GNAI1: variants seen among roughly 807,000 people sequenced by gnomAD.
GNAI1 encodes guanine nucleotide-binding protein G(i) subunit alpha-1.
A neutral mutation model predicts 38.9 loss-of-function variants in GNAI1; 11 were observed. The observed-to-expected ratio is 0.28, with a 90% CI of 0.18 to 0.47. The LOEUF is 0.47. Among genes scored for constraint, GNAI1 ranks in the 20% least tolerant of loss-of-function variants. The pLI is 0.99. For synonymous variants in GNAI1, 166 were observed against 145.1 expected (o/e 1.14, Z -1.04); for missense variants, 317 against 436.9 (o/e 0.73, Z 2.45).
intron 1 of GNAI1, among the ~76,000 whole-genome samples, chr7:80,139,701 A>T (rs1787488747): frequency 6.6e-6 from 1 of 152,234 alleles, no homozygotes; most frequent in Admixed American, 6.5e-5. Context: ...CAGCCAAATT[A>T]TGTAAACAAA....
In GNAI1 at chr7:80,135,216, T is replaced by C; in HGVS notation, c.56T>C (p.Ile19Thr). The change falls in exon 1 of 8, where the codon ATC (isoleucine) becomes ACC (threonine). Residue 19 changes from isoleucine to threonine, a missense_variant. Ile to Thr is a moderately conservative substitution (Grantham distance 89). Coordinates refer to ENST00000649796, the MANE Select transcript of GNAI1 (RefSeq NM_002069.6). ...DKAAVERSKM[I>T]DRNLREDGEK... ...GCGGCGGTGGAGCGGAGTAAGATGA[T>C]CGACCGCAACCTCCGTGAGGACGGC... 6.4e-7 allele frequency: 1 copy of C among 1,555,842 alleles called. No homozygotes were observed.
At chr7:80,168,611 CT>C (rs1301674381) in intron 1 of GNAI1, among the ~76,000 whole-genome samples, 3 of 152,100 alleles carry the variant, frequency 2.0e-5, no homozygotes, top group Non-Finnish European at 4.4e-5. Context: ...TGGTCTCGAT[CT>C]GACCTTGTGA....
rs923691049 is a variant in GNAI1, at chr7:80,222,150, C to T, written c.*4657C>T. The stretch of plus-strand genomic sequence containing the variant: ...TACGAAATTTCACATTTCATCAAGT[C>T]CAGAGGCCAGAGACACCCAAATATG... On this transcript the variant is annotated 3_prime_UTR_variant, in exon 8 of 8. Transcript: ENST00000649796. Among the ~76,000 whole-genome samples the T allele has an allele frequency of 3.3e-5, 5 of 151,954 alleles. No homozygotes were observed. Among genetic ancestry groups the T allele is most frequent in the African/African-American group, 1.2e-4 (5 of 41,348 alleles).
rs747157890 is a variant in GNAI1 at position 80,221,932 on chromosome 7, G to A, written c.*4439G>A. Among the ~76,000 whole-genome samples the A allele has an allele frequency of 6.6e-5, 10 of 151,876 alleles. No individual in the cohort carries two copies. Among genetic ancestry groups the A allele is most frequent in the Non-Finnish European group, 7.4e-5 (5 of 67,956 alleles). On this transcript the variant is annotated 3_prime_UTR_variant, in exon 8 of 8. Transcript: ENST00000649796. ...TGGGATTACAGACGTGAGCCACTGC[G>A]CCCAGCCAGTTTTCTTTTTTAGTTC... is the stretch of plus-strand genomic sequence containing the variant.
Position 80,158,277 on chromosome 7 carries a change from C to T in GNAI1, c.118+22999C>T, listed in dbSNP as rs17153503. ...TACAAAATAATTTGCTGGCTAATTC[C>T]GTAACTCTTAATGAGGTGTTTGTTT... On this transcript the variant is annotated intron_variant, in intron 1 of 7. Coordinates refer to ENST00000649796, the MANE Select transcript of GNAI1 (RefSeq NM_002069.6). Among the ~76,000 whole-genome samples the T allele has an allele frequency of 1.8e-3, 280 of 152,190 alleles. 9 individuals carry two copies. The East Asian group carries it at 0.045, about 25-fold the overall frequency.
chr7:80,151,832 G>A (rs1313319466), intron 1 of GNAI1, among the ~76,000 whole-genome samples: 3 of 152,134 alleles, frequency 2.0e-5, no homozygotes, highest in East Asian at 1.9e-4. Flanking sequence ...GAGGAGTTTC[G>A]TGGCAAAAGA....
intron 1 of GNAI1, among the ~76,000 whole-genome samples, chr7:80,171,750 G>A (rs1391535662): frequency 6.6e-6 from 1 of 152,068 alleles, no homozygotes; most frequent in African/African-American, 2.4e-5. Context: ...CAGTGTCTTA[G>A]TTACACAGTA....
chr7:80,199,435 C>A, intron 4 of GNAI1, 53 bp downstream of exon 4: 2 of 1,313,052 alleles, frequency 1.5e-6, no homozygotes, highest in South Asian at 1.5e-5. Context: ...ACTTGCAAGT[C>A]AAATATACTT....
chr7:80,222,588 T>C lies in GNAI1; in HGVS notation c.*5095T>C, dbSNP rs1662255978. 6.6e-6 allele frequency among the ~76,000 whole-genome samples: 1 copy of C among 151,960 alleles called. No homozygotes were observed. The highest frequency in any genetic ancestry group is 2.4e-5 in the African/African-American group (1 of 41,366). On this transcript the variant is annotated 3_prime_UTR_variant, in exon 8 of 8. Transcript: ENST00000649796. ...TTTTAGTAGAGACGGGGTTTCTCCA[T>C]GTCGGTCGGGCTGGTCTCGAACTCC...
intron 1 of GNAI1, among the ~76,000 whole-genome samples, chr7:80,158,189 A>G (rs1330519746): frequency 1.3e-5 from 2 of 152,206 alleles, no homozygotes; most frequent in East Asian, 1.9e-4. Context: ...CTTCTCCTTC[A>G]GTATCATGTT....
chr7:80,207,100 G>A (rs180782663), intron 5 of GNAI1, among the ~76,000 whole-genome samples: 53 of 152,146 alleles, frequency 3.5e-4, no homozygotes, highest in African/African-American at 1.2e-3. Flanking sequence ...GGTAAACTTG[G>A]TTAAGTTTCT....
chr7:80,211,820 T>G (rs1262195735), intron 6 of GNAI1, among the ~76,000 whole-genome samples: 1 of 152,216 alleles, frequency 6.6e-6, no homozygotes, highest in Non-Finnish European at 1.5e-5. Flanking sequence ...AATAGAAATG[T>G]AAAACTTTGT....
At chr7:80,213,753 A>C (rs1788912483) in intron 7 of GNAI1, among the ~76,000 whole-genome samples, 1 of 152,118 alleles carries the variant, frequency 6.6e-6, no homozygotes, top group African/African-American at 2.4e-5. Context: ...CCTTAAAAAA[A>C]CAGGGAGTTT....
chr7:80,144,291 A>G (rs963024332), intron 1 of GNAI1, among the ~76,000 whole-genome samples: 10 of 152,018 alleles, frequency 6.6e-5, no homozygotes, highest in African/African-American at 2.4e-4. Context: ...AGTTTATTCA[A>G]AAGATGGTGC....
chr7:80,155,803 T>TC (rs1787808056), intron 1 of GNAI1, among the ~76,000 whole-genome samples: 1 of 151,980 alleles, frequency 6.6e-6, no homozygotes, highest in Admixed American at 6.6e-5. Flanking sequence ...ACACCTGTAA[T>TC]CCCAGCACTT....
chr7:80,140,016 C>T (rs867958175), intron 1 of GNAI1, among the ~76,000 whole-genome samples: 7 of 134,982 alleles, frequency 5.2e-5, no homozygotes, highest in Non-Finnish European at 3.1e-5. Flanking sequence ...CGGAGTCTTG[C>T]TCTGTCGCCC....
Position 80,217,501 on chromosome 7 carries a change from A to G in GNAI1, c.*8A>G. 1 of 1,551,420 alleles carries G rather than the reference A, an allele frequency of 6.4e-7. No homozygotes were observed. Among genetic ancestry groups the G allele is most frequent in the Non-Finnish European group, 8.8e-7 (1 of 1,140,018 alleles). Reference sequence around the variant, plus strand: ...GATTGTGGTCTCTTTTAAGTTTTGCAGTTCATGGTAAAATGCATTTTCAAA... The same window carrying G: ...GATTGTGGTCTCTTTTAAGTTTTGCGGTTCATGGTAAAATGCATTTTCAAA... On this transcript the variant is annotated 3_prime_UTR_variant, in exon 8 of 8. Transcript: ENST00000649796.
chr7:80,135,229 C>T lies in GNAI1; in HGVS notation c.69C>T (p.Leu23=), dbSNP rs755800667. The T allele has an allele frequency of 5.8e-6, 9 of 1,551,000 alleles. No homozygotes were observed. Among genetic ancestry groups the T allele is most frequent in the East Asian group, 2.6e-5 (1 of 38,618 alleles). Residue 23 remains leucine, a synonymous_variant, in exon 1 of 8, where the codon CTC becomes CTT. Transcript: ENST00000649796. ...GGAGTAAGATGATCGACCGCAACCT[C>T]CGTGAGGACGGCGAGAAGGCGGCGC... is the stretch of plus-strand genomic sequence containing the variant. ...VERSKMIDRN[L]REDGEKAARE...
chr7:80,138,352 TAAAA>T (rs752121542), intron 1 of GNAI1, among the ~76,000 whole-genome samples: 17 of 152,216 alleles, frequency 1.1e-4, no homozygotes, highest in Non-Finnish European at 2.2e-4. Flanking sequence ...AATTAGGCCT[TAAAA>T]AAAGAGGAGC....
Sources: gnomAD v4.1 joint callset for allele counts (sites outside exome capture counted in the v4.1 genomes callset) on GRCh38, gnomAD v4.1.1 for gene constraint, MANE v1.5 for transcripts, NCBI Gene and HGNC (gene_info 2026-07-23, HGNC 2026-07-21) for gene names.